MTPN: variants seen among roughly 807,000 people sequenced by gnomAD.
The protein encoded by MTPN is myotrophin, also known as granule cell differentiation protein.
MTPN carries 2 observed loss-of-function variants against 13.5 expected under a neutral mutation model. That is an observed-to-expected ratio of 0.15 (90% CI 0.06 to 0.47). MTPN has a LOEUF of 0.47. MTPN is among the 20% of genes least tolerant of loss of function. The pLI is 0.97. For synonymous variants in MTPN, 46 were observed against 51.7 expected, an observed-to-expected ratio of 0.89 and a Z score of 0.48; for missense variants, 79 against 137.9, an observed-to-expected ratio of 0.57 and a Z score of 2.14.
At chr7:135,950,915 C>T (rs1799356016) in intron 2 of MTPN, among the ~76,000 whole-genome samples, 1 of 152,080 alleles carries the variant, frequency 6.6e-6, no homozygotes, top group Non-Finnish European at 1.5e-5. Flanking sequence ...AGGGCTTTGA[C>T]CTCAGCTCAA....
At chr7:135,965,085 G>T (rs1202627886) in intron 1 of MTPN, among the ~76,000 whole-genome samples, 1 of 152,014 alleles carries the variant, frequency 6.6e-6, no homozygotes, top group Non-Finnish European at 1.5e-5. Context: ...TTTACTAGCT[G>T]CCCCTTTACA....
At chr7:135,934,934 A>G (rs1799091681) in intron 3 of MTPN, among the ~76,000 whole-genome samples, 1 of 152,132 alleles carries the variant, frequency 6.6e-6, no homozygotes, top group Non-Finnish European at 1.5e-5. Context: ...ATCCATGTCC[A>G]ACCTTTATTG....
intron 1 of MTPN, among the ~76,000 whole-genome samples, chr7:135,976,608 C>G (rs903684965): frequency 6.6e-6 from 1 of 152,146 alleles, no homozygotes. Context: ...TTCCTCTGAT[C>G]CTAATTACTT....
At chr7:135,959,837 ATC>A (rs1277277313) in intron 1 of MTPN, among the ~76,000 whole-genome samples, 1 of 151,404 alleles carries the variant, frequency 6.6e-6, no homozygotes. Flanking sequence ...TTAATGGAAC[ATC>A]TGTTTTTTTA....
intron 1 of MTPN, among the ~76,000 whole-genome samples, chr7:135,960,512 A>C (rs1268092270): frequency 6.6e-6 from 1 of 152,046 alleles, no homozygotes; most frequent in Non-Finnish European, 1.5e-5. Flanking sequence ...CCTAAATCTG[A>C]ATAGTATTTC....
chr7:135,944,524 A>G (rs1799260537), intron 3 of MTPN, among the ~76,000 whole-genome samples: 1 of 152,020 alleles, frequency 6.6e-6, no homozygotes, highest in East Asian at 1.9e-4. Context: ...TAAAAATATA[A>G]AAATTAGCTG....
chr7:135,966,645 T>G (rs1042096035), intron 1 of MTPN, among the ~76,000 whole-genome samples: 1 of 152,098 alleles, frequency 6.6e-6, no homozygotes, highest in Non-Finnish European at 1.5e-5. Flanking sequence ...ACATAACGAC[T>G]TCTGCTGTTT....
In MTPN at chr7:135,927,769, C is replaced by T. The variant is rs17168524; in HGVS notation, c.*2157G>A. ...TTACAAAAAGGTCGAGAAAGAAAAG[C>T]GAAGGCGAAATAGCCTCTACTGCAT... On this transcript the variant is annotated 3_prime_UTR_variant, in exon 4 of 4. Coordinates refer to ENST00000393085, the MANE Select transcript of MTPN (RefSeq NM_145808.4). 5.3e-3 allele frequency: 2,457 copies of T among 463,216 alleles called. 44 individuals are homozygous for T. The highest frequency in any genetic ancestry group is 0.044 in the African/African-American group (2,171 of 49,424). The allele number at this position is 463,216 out of a possible 1,614,324, so 28.7% of individuals were successfully genotyped here. A position where few individuals can be genotyped will look rare whatever the true frequency, so the allele number is the denominator to read the frequency against.
intron 1 of MTPN, among the ~76,000 whole-genome samples, chr7:135,969,093 G>A (rs1174814127): frequency 4.6e-5 from 5 of 108,598 alleles, no homozygotes; most frequent in Non-Finnish European, 9.7e-5. Context: ...TGGGGTGGGG[G>A]GGGGGGAGGA....
At chr7:135,971,932 GCAGGCTAT>G (rs1799698760) in intron 1 of MTPN, among the ~76,000 whole-genome samples, 1 of 152,130 alleles carries the variant, frequency 6.6e-6, no homozygotes, top group South Asian at 2.1e-4. Context: ...AAAACATTCT[GCAGGCTAT>G]CAGTCACTCT....
chr7:135,965,116 G>A (rs980680006), intron 1 of MTPN, among the ~76,000 whole-genome samples: 1 of 152,046 alleles, frequency 6.6e-6, no homozygotes, highest in Non-Finnish European at 1.5e-5. Context: ...CCCAACTCTT[G>A]CTATTAAGCA....
intron 3 of MTPN, among the ~76,000 whole-genome samples, chr7:135,934,415 G>C (rs1365510235): frequency 6.6e-6 from 1 of 152,112 alleles, no homozygotes; most frequent in Non-Finnish European, 1.5e-5. Context: ...AAGGAGAAAA[G>C]TCCACAGCAA....
chr7:135,954,427 C>T (rs978095090), intron 1 of MTPN, among the ~76,000 whole-genome samples: 2 of 152,166 alleles, frequency 1.3e-5, no homozygotes, highest in Non-Finnish European at 2.9e-5. Flanking sequence ...TAGCATACCA[C>T]CTTAGTCTTT....
At chr7:135,944,855 G>A (rs1361013653) in intron 3 of MTPN, among the ~76,000 whole-genome samples, 5 of 152,054 alleles carry the variant, frequency 3.3e-5, no homozygotes, top group African/African-American at 4.8e-5. Flanking sequence ...TGAAACCACA[G>A]ACAGTAATGA....
rs1337688286 is a variant in MTPN, at chr7:135,977,236, G to C, written c.-136C>G. 1 of 864,676 alleles carries C rather than the reference G, an allele frequency of 1.2e-6. No homozygotes were observed. The highest frequency in any genetic ancestry group is 2.2e-5 in the Admixed American group (1 of 46,408). The allele number at this position is 864,676 out of a possible 1,614,324, so 53.6% of individuals were successfully genotyped here. A position where few individuals can be genotyped will look rare whatever the true frequency, so the allele number is the denominator to read the frequency against. ...AGAAGAAGAGAAGGAGGGTTAGGCT[G>C]CCAGGCGGGCGAGGCAGTTGGCCGC... On this transcript the variant is annotated 5_prime_UTR_variant, in exon 1 of 4. Transcript: ENST00000393085.
chr7:135,976,946 C>CCCCT, intron 1 of MTPN, 83 bp downstream of exon 1: 2 of 994,312 alleles, frequency 2.0e-6, no homozygotes, highest in Non-Finnish European at 1.6e-6. Context: ...CCCCCATCCC[C>CCCCT]GCAGTCCAGC....
At chr7:135,954,714 G>A (rs772036006) in intron 1 of MTPN, among the ~76,000 whole-genome samples, 2 of 152,132 alleles carry the variant, frequency 1.3e-5, no homozygotes, top group Non-Finnish European at 2.9e-5. Flanking sequence ...AGGCCGAGGC[G>A]GGAGGATCAC....
intron 1 of MTPN, among the ~76,000 whole-genome samples, chr7:135,969,667 T>C (rs1256989580): frequency 6.6e-6 from 1 of 151,874 alleles, no homozygotes; most frequent in Non-Finnish European, 1.5e-5. Context: ...GTAAACAGGA[T>C]ACAAAATCCA....
chr7:135,968,872 G>A (rs575405367), intron 1 of MTPN, among the ~76,000 whole-genome samples: 3 of 151,874 alleles, frequency 2.0e-5, no homozygotes, highest in Admixed American at 2.0e-4. Context: ...AATGTGAGAG[G>A]GAGATACTAA....
Sources: allele counts gnomAD v4.1 joint callset (sites outside exome capture counted in the v4.1 genomes callset), GRCh38; gene constraint gnomAD v4.1.1; transcripts MANE v1.5; gene names NCBI Gene and HGNC (gene_info 2026-07-23, HGNC 2026-07-21).